FNTB: variants seen among roughly 807,000 people sequenced by gnomAD.
FNTB encodes protein farnesyltransferase subunit beta.
A neutral mutation model predicts 59.4 loss-of-function variants in FNTB; 27 were observed. The observed-to-expected ratio is 0.45, with a 90% CI of 0.34 to 0.63. The LOEUF (loss-of-function observed/expected upper bound fraction) is 0.63. FNTB is among the 20% of genes least tolerant of loss of function. The probability of loss-of-function intolerance (pLI) is 0.02; values close to 1 mark genes in which losing one functional copy is unlikely to be tolerated. For missense variants in FNTB, 449 were observed against 559.6 expected (o/e 0.80, Z 1.99); for synonymous variants, 230 against 220.7 (o/e 1.04, Z -0.37).
rs1260933815 is a variant in FNTB, at chr14:64,991,938, G to T, written c.144+4841G>T. Among the ~76,000 whole-genome samples, 2 of 152,180 alleles carry T rather than the reference G, an allele frequency of 1.3e-5. No homozygotes were observed. Among genetic ancestry groups the T allele is most frequent in the Non-Finnish European group, 2.9e-5 (2 of 68,034 alleles). On this transcript the variant is annotated intron_variant, in intron 1 of 11. Transcript: ENST00000246166. The surrounding 1 kb of genome is among the most constrained non-coding windows in gnomAD (Gnocchi z 4.4). ...CAGGGTATTAAGAGGCAGGTGATGTGCTGGCTTCAGGTTCGGGCAGTGGGC... is the reference window on the plus strand; with the variant it reads ...CAGGGTATTAAGAGGCAGGTGATGTTCTGGCTTCAGGTTCGGGCAGTGGGC...
chr14:65,018,819 A>AG (rs2061829626), intron 4 of FNTB, among the ~76,000 whole-genome samples: 1 of 150,998 alleles, frequency 6.6e-6, no homozygotes, highest in Non-Finnish European at 1.5e-5. Flanking sequence ...TAAAAAAAAA[A>AG]AAAAAAAAAG....
chr14:65,016,749 A>G (rs553160318), intron 4 of FNTB, among the ~76,000 whole-genome samples: 74 of 152,314 alleles, frequency 4.9e-4, no homozygotes, highest in African/African-American at 1.8e-3. Flanking sequence ...ATAATAAAGA[A>G]TTAGGCCATT....
chr14:65,025,827 CA>C (rs1346800842), intron 4 of FNTB, among the ~76,000 whole-genome samples: 1 of 152,096 alleles, frequency 6.6e-6, no homozygotes, highest in African/African-American at 2.4e-5. Context: ...AAATCAAAAA[CA>C]AAAACCATAG....
At chr14:65,040,992 C>A in intron 8 of FNTB, 73 bp downstream of exon 8, 2 of 1,570,718 alleles carry the variant, frequency 1.3e-6, no homozygotes, top group South Asian at 1.2e-5. Flanking sequence ...GACATGCAGG[C>A]TTCAGGAGAG....
chr14:65,056,942 T>C (rs1028946978), intron 11 of FNTB, among the ~76,000 whole-genome samples: 2 of 152,138 alleles, frequency 1.3e-5, no homozygotes, highest in Admixed American at 1.3e-4. Flanking sequence ...CATTATAACA[T>C]GTGGAAATCA....
rs2062036517 is a variant in FNTB at position 65,029,203 on chromosome 14, G to C, written c.605+1422G>C. 6.6e-6 allele frequency among the ~76,000 whole-genome samples: 1 copy of C among 152,208 alleles called. No individual in the cohort carries two copies. Among genetic ancestry groups the C allele is most frequent in the Non-Finnish European group, 1.5e-5 (1 of 68,028 alleles). On this transcript the variant is annotated intron_variant, in intron 6 of 11. Coordinates refer to ENST00000246166, the MANE Select transcript of FNTB (RefSeq NM_002028.4). This position sits in a 1 kb window ranked among gnomAD's most constrained non-coding sequence, Gnocchi z 4.7. ...TAAAGGATTAAAGATATGAATGATA[G>C]AGAAAAGCTAGCAGATTGCATCCAT...
rs2062072825 is a variant in FNTB, at chr14:65,031,123, G to T, written c.606-1487G>T. On this transcript the variant is annotated intron_variant, in intron 6 of 11. Transcript: ENST00000246166. The surrounding 1 kb of genome is among the most constrained non-coding windows in gnomAD (Gnocchi z 4.6). The stretch of plus-strand genomic sequence containing the variant: ...ATGCCTGGCCAGGAGAAGGATTTTT[G>T]AGCAGAATTCAAACCAATGATTTTT... 6.6e-6 allele frequency among the ~76,000 whole-genome samples: 1 copy of T among 151,354 alleles called. No individual in the cohort carries two copies. Among genetic ancestry groups the T allele is most frequent in the Non-Finnish European group, 1.5e-5 (1 of 67,792 alleles).
chr14:65,055,334 A>AAT (rs1383408528), intron 11 of FNTB, among the ~76,000 whole-genome samples: 6 of 152,160 alleles, frequency 3.9e-5, no homozygotes, highest in Non-Finnish European at 8.8e-5. Context: ...GACTGTCCCC[A>AAT]GTGATCAAAT....
chr14:65,019,508 A>T (rs2061848061), intron 4 of FNTB, among the ~76,000 whole-genome samples: 1 of 151,786 alleles, frequency 6.6e-6, no homozygotes, highest in African/African-American at 2.4e-5. Context: ...CAAACAAAAC[A>T]TTTTTTTTAA....
intron 4 of FNTB, chr14:65,021,991 C>T: frequency 4.4e-6 from 2 of 456,026 alleles, no homozygotes; most frequent in South Asian, 3.1e-5. Context: ...GAACAGCAGC[C>T]ATCCAGAGAC....
In FNTB at chr14:64,994,407, A is replaced by G. The variant is rs1324739162; in HGVS notation, c.144+7310A>G. On this transcript the variant is annotated intron_variant, in intron 1 of 11. Transcript: ENST00000246166. The surrounding 1 kb of genome is among the most constrained non-coding windows in gnomAD (Gnocchi z 4.2). ...CAGTAGAAATACATTGTCAGTAGGA[A>G]ATTTCCTTGTCATGTGAACATCATA... Among the ~76,000 whole-genome samples, 3 of 152,136 alleles carry G rather than the reference A, an allele frequency of 2.0e-5. No individual in the cohort carries two copies. The highest frequency in any genetic ancestry group is 7.2e-5 in the African/African-American group (3 of 41,424).
Position 64,994,950 on chromosome 14 carries a change from T to G in FNTB, c.144+7853T>G, listed in dbSNP as rs1446125917. Among the ~76,000 whole-genome samples the G allele has an allele frequency of 6.6e-6, 1 of 152,254 alleles. No individual in the cohort carries two copies. Among genetic ancestry groups the G allele is most frequent in the Non-Finnish European group, 1.5e-5 (1 of 68,050 alleles). ...ACTTAAAAAATTTTTTTACAGCTTT[T>G]TGACCCTTTTGTAATAACAGTTTAA... is the stretch of plus-strand genomic sequence containing the variant. On this transcript the variant is annotated intron_variant, in intron 1 of 11. Coordinates refer to ENST00000246166, the MANE Select transcript of FNTB (RefSeq NM_002028.4). This position sits in a 1 kb window ranked among gnomAD's most constrained non-coding sequence, Gnocchi z 4.2.
intron 1 of FNTB, among the ~76,000 whole-genome samples, chr14:64,996,134 A>AG (rs1888385119): frequency 1.3e-5 from 2 of 148,778 alleles, no homozygotes; most frequent in Middle Eastern, 3.4e-3. Context: ...AAAAAAAAAA[A>AG]AAAAAAGAAA....
chr14:64,987,072 T>G lies in FNTB; in HGVS notation c.119T>G (p.Val40Gly), dbSNP rs1223772791. The G allele has an allele frequency of 6.2e-7, 1 of 1,614,052 alleles. No homozygotes were observed. Among genetic ancestry groups the G allele is most frequent in the Admixed American group, 1.7e-5 (1 of 59,998 alleles). ...CGAGAGCGGTTGCAGGACGACTCGG[T>G]GGAAACAGTCACGTCCATAGAACAG... ...HARERLQDDS[V>G]ETVTSIEQAK... is the part of the protein sequence containing the mutation. Residue 40 changes from valine (V) to glycine (G), a missense_variant, in exon 1 of 12, where the codon GTG (valine) becomes GGG (glycine). Val to Gly is a moderately radical substitution (Grantham distance 109, BLOSUM62 -3). This residue lies in a region of FNTB where 112 missense variants were observed against 80.5 expected (regional missense o/e 1.39). Coordinates refer to ENST00000246166, the MANE Select transcript of FNTB (RefSeq NM_002028.4).
intron 1 of FNTB, among the ~76,000 whole-genome samples, chr14:64,998,349 A>C (rs1447820632): frequency 6.6e-6 from 1 of 152,178 alleles, no homozygotes; most frequent in Admixed American, 6.6e-5. Context: ...ACAGTAAACT[A>C]TGTGCATATT....
At chr14:65,026,076 G>A (rs541357322) in intron 4 of FNTB, among the ~76,000 whole-genome samples, 4 of 152,354 alleles carry the variant, frequency 2.6e-5, no homozygotes, top group East Asian at 3.9e-4. Context: ...AGTAGGCTAT[G>A]TAGTCTTTCT....
intron 4 of FNTB, among the ~76,000 whole-genome samples, chr14:65,021,580 G>A (rs1182017135): frequency 6.6e-6 from 1 of 152,118 alleles, no homozygotes; most frequent in Non-Finnish European, 1.5e-5. Flanking sequence ...TCCTCTACAG[G>A]ACGGTCCCTG....
At chr14:65,048,133 C>T (rs944287125) in intron 9 of FNTB, among the ~76,000 whole-genome samples, 1 of 151,512 alleles carries the variant, frequency 6.6e-6, no homozygotes, top group African/African-American at 2.4e-5. Context: ...AGGCGTGTAC[C>T]ACCACACCCA....
intron 11 of FNTB, among the ~76,000 whole-genome samples, chr14:65,057,043 C>T (rs1263003919): frequency 6.6e-6 from 1 of 152,188 alleles, no homozygotes; most frequent in Non-Finnish European, 1.5e-5. Context: ...TCCATTCCCT[C>T]AAGGACTAAT....
Sources: gnomAD v4.1 joint callset for allele counts (sites outside exome capture counted in the v4.1 genomes callset) on GRCh38, gnomAD v4.1.1 for gene constraint, gnomAD v4.1.1 regional missense constraint, Gnocchi (gnomAD v3.1) non-coding constraint, MANE v1.5 for transcripts, NCBI Gene and HGNC (gene_info 2026-07-23, HGNC 2026-07-21) for gene names.